Variants in C1orf87 observed in about 807,000 individuals in gnomAD.
C1orf87 encodes chromosome 1 open reading frame 87.
A neutral mutation model predicts 60.5 loss-of-function variants in C1orf87; 58 were observed. The ratio of observed to expected loss-of-function variants is 0.96; its 90% CI spans 0.78 to 1.19. The LOEUF (loss-of-function observed/expected upper bound fraction) is 1.19, where lower values mean the gene tolerates loss of function less well. Among genes scored for constraint, C1orf87 ranks in the 50% most tolerant of loss-of-function variants. The pLI, the probability that C1orf87 is intolerant of heterozygous loss-of-function variation, is 0.00. For synonymous variants in C1orf87, 236 were observed against 227.4 expected (o/e 1.04, Z -0.34); for missense variants, 673 against 638.6 (o/e 1.05, Z -0.58).
chr1:60,063,244 G>C (rs1044565779), intron 2 of C1orf87, among the ~76,000 whole-genome samples: 2 of 152,080 alleles, frequency 1.3e-5, no homozygotes, highest in African/African-American at 4.8e-5. Context: ...TTATTGATCA[G>C]TTGTTTCTAA....
At chr1:60,013,472 C>A (rs922718274) in intron 8 of C1orf87, among the ~76,000 whole-genome samples, 1 of 151,850 alleles carries the variant, frequency 6.6e-6, no homozygotes, top group Admixed American at 6.6e-5. Context: ...ATGTTTTGTG[C>A]TTTTTAAGTT....
At chr1:60,010,015 CT>C (rs34236824) in intron 9 of C1orf87, among the ~76,000 whole-genome samples, 20,177 of 142,836 alleles carry the variant, frequency 0.14, 1,438 homozygotes, top group Admixed American at 0.2. Flanking sequence ...TCTCACAGGT[CT>C]TTTTTTTTTT....
intron 7 of C1orf87, among the ~76,000 whole-genome samples, chr1:60,028,811 A>G (rs1433386670): frequency 6.6e-6 from 1 of 150,948 alleles, no homozygotes; most frequent in Non-Finnish European, 1.5e-5. Flanking sequence ...CGATCATGCC[A>G]TCCTTCTCCA....
chr1:59,994,023 T>C (rs1574289837), intron 11 of C1orf87, among the ~76,000 whole-genome samples: 1 of 152,198 alleles, frequency 6.6e-6, no homozygotes, highest in Non-Finnish European at 1.5e-5. Flanking sequence ...CCTCCCAAAG[T>C]GCTGGGATTA....
chr1:60,016,669 G>A (rs1645126792), intron 8 of C1orf87, among the ~76,000 whole-genome samples: 1 of 152,184 alleles, frequency 6.6e-6, no homozygotes, highest in Non-Finnish European at 1.5e-5. Context: ...CTCATGCTGG[G>A]TTTCTCCATA....
chr1:60,014,232 AT>A (rs1645109991), intron 8 of C1orf87, among the ~76,000 whole-genome samples: 1 of 152,102 alleles, frequency 6.6e-6, no homozygotes, highest in Non-Finnish European at 1.5e-5. Context: ...CACTTGTGTA[AT>A]TTTCTGGTTG....
intron 5 of C1orf87, among the ~76,000 whole-genome samples, chr1:60,039,472 A>G (rs1645302386): frequency 6.6e-6 from 1 of 152,188 alleles, no homozygotes. Context: ...GTTATTGGAC[A>G]TCCTCTGGGC....
intron 6 of C1orf87, 120 bp from the exon 7 acceptor site, chr1:60,033,761 T>A: frequency 2.7e-6 from 3 of 1,123,026 alleles, no homozygotes; most frequent in South Asian, 1.8e-5. Context: ...CCCATCTACG[T>A]AGGCCCTCTC....
intron 7 of C1orf87, among the ~76,000 whole-genome samples, chr1:60,029,302 TG>T (rs1218658105): frequency 1.3e-5 from 2 of 152,204 alleles, no homozygotes; most frequent in African/African-American, 4.8e-5. Context: ...ATTTCTTGCC[TG>T]GATTATTGAA....
At chr1:60,070,068 C>T (rs780950123) in intron 2 of C1orf87, among the ~76,000 whole-genome samples, 17 of 152,154 alleles carry the variant, frequency 1.1e-4, no homozygotes, top group Non-Finnish European at 2.4e-4. Flanking sequence ...GGGATCACAG[C>T]TCTATGGACA....
chr1:60,034,308 A>G (rs1196849416), intron 6 of C1orf87, among the ~76,000 whole-genome samples: 2 of 152,226 alleles, frequency 1.3e-5, no homozygotes, highest in Non-Finnish European at 2.9e-5. Flanking sequence ...GAGATGTTAT[A>G]TTCACTGATT....
chr1:60,064,188 T>C (rs989291701), intron 2 of C1orf87, among the ~76,000 whole-genome samples: 3 of 141,562 alleles, frequency 2.1e-5, no homozygotes, highest in Non-Finnish European at 4.6e-5. Context: ...CACCTTGTGA[T>C]GGCCTATTGT....
chr1:60,033,572 T>G lies in C1orf87; in HGVS notation c.933A>C (p.Ala311=). 6.2e-7 allele frequency: 1 copy of G among 1,613,662 alleles called. No individual in the cohort carries two copies. The highest frequency in any genetic ancestry group is 2.2e-5 in the East Asian group (1 of 44,878). ...NRSLLEILKM[A]LRTTNGRLNI... is the part of the protein sequence containing the mutation. ...TGAGTCTGCCATTGGTTGTCCTTAG[T>G]GCCATCTTCAAAATCTCCAACAGAC... The change falls in exon 7 of 12, where the codon GCA becomes GCC. Residue 311 remains alanine, a synonymous_variant. Coordinates refer to ENST00000371201, the MANE Select transcript of C1orf87 (RefSeq NM_152377.3).
chr1:60,006,989 G>A (rs1312892787), intron 9 of C1orf87, among the ~76,000 whole-genome samples: 1 of 151,798 alleles, frequency 6.6e-6, no homozygotes, highest in African/African-American at 2.4e-5. Flanking sequence ...AGAGCTCACT[G>A]CAGCCTCGAT....
At chr1:60,053,471 T>C (rs928679647) in intron 3 of C1orf87, among the ~76,000 whole-genome samples, 15 of 152,196 alleles carry the variant, frequency 9.9e-5, no homozygotes, top group African/African-American at 2.7e-4. Flanking sequence ...GAATACTGCC[T>C]GGCACATAGT....
chr1:60,012,188 A>AC (rs1491473559), intron 8 of C1orf87, among the ~76,000 whole-genome samples: 1 of 151,366 alleles, frequency 6.6e-6, no homozygotes, highest in Non-Finnish European at 1.5e-5. Flanking sequence ...GAAAAAAAAA[A>AC]CACAAAACAA....
chr1:60,015,937 G>A (rs1645121396), intron 8 of C1orf87, among the ~76,000 whole-genome samples: 1 of 152,098 alleles, frequency 6.6e-6, no homozygotes, highest in African/African-American at 2.4e-5. Context: ...TTTTAGTAGA[G>A]GCAGGGTTTT....
At chr1:59,998,146 C>A (rs533577086) in intron 10 of C1orf87, among the ~76,000 whole-genome samples, 3 of 152,234 alleles carry the variant, frequency 2.0e-5, no homozygotes, top group Admixed American at 6.5e-5. Context: ...GTGGGGTCTG[C>A]AGGGGGTAGA....
chr1:60,001,098 A>G lies in C1orf87; in HGVS notation c.1251T>C (p.Ser417=). ...ATACCATATGTTCAGTTTTGCTTTG[A>G]GACATCTCGGGGACTTCAGGCTCCA... ...PPMEPEVPEM[S]QSKTEHMKTP... The change falls in exon 10 of 12, where the codon TCT becomes TCC. Residue 417 remains serine (S), a synonymous_variant. Transcript: ENST00000371201. 6.2e-7 allele frequency: 1 copy of G among 1,609,218 alleles called. No homozygotes were observed. Among genetic ancestry groups the G allele is most frequent in the Middle Eastern group, 1.7e-4 (1 of 6,022 alleles).
Sources: allele counts gnomAD v4.1 joint callset (sites outside exome capture counted in the v4.1 genomes callset), GRCh38; gene constraint gnomAD v4.1.1; transcripts MANE v1.5; gene names NCBI Gene and HGNC (gene_info 2026-07-23, HGNC 2026-07-21).